The following TENM1 variants were observed in gnomAD, a reference collection of about 807,000 sequenced individuals.
The protein encoded by TENM1 is teneurin-1.
A neutral mutation model predicts 174.8 loss-of-function variants in TENM1; 35 were observed. That is an observed-to-expected ratio of 0.20 (90% confidence interval 0.15 to 0.27). The LOEUF (loss-of-function observed/expected upper bound fraction) is 0.27, where lower values mean the gene tolerates loss of function less well. Among genes scored for constraint, TENM1 ranks in the 10% least tolerant of loss-of-function variants. The pLI is 1.00. For synonymous variants in TENM1, 781 were observed against 798.7 expected (o/e 0.98, Z 0.37); for missense variants, 1,633 against 2,130.1 (o/e 0.77, Z 4.59).
intron 3 of TENM1, among the ~76,000 whole-genome samples, chrX:124,868,602 C>G (rs773587139): frequency 9.0e-6 from 1 of 111,419 alleles, no homozygotes; most frequent in African/African-American, 3.3e-5. Flanking sequence ...TCCACAAGCA[C>G]AGGCAACCAC....
chrX:124,655,264 T>C (rs934001191), intron 6 of TENM1, among the ~76,000 whole-genome samples: 1 of 111,601 alleles, frequency 9.0e-6, no homozygotes, highest in African/African-American at 3.3e-5. Flanking sequence ...GGGAGGATGT[T>C]GAGTTTGGGC....
chrX:124,769,658 G>A (rs1051091678), intron 3 of TENM1, among the ~76,000 whole-genome samples: 7 of 112,097 alleles, frequency 6.2e-5, no homozygotes, highest in Admixed American at 3.8e-4. Flanking sequence ...TGATACTTTA[G>A]TAAATATTTG....
intron 27 of TENM1, among the ~76,000 whole-genome samples, chrX:124,394,476 T>C (rs1371441191): frequency 8.9e-6 from 1 of 112,230 alleles, no homozygotes; most frequent in Non-Finnish European, 1.9e-5. Flanking sequence ...CTTAGAGGTC[T>C]GGATGGCTGC....
At chrX:125,089,756 C>T in the TENM1 span, among the ~76,000 whole-genome samples, 3 of 111,591 alleles carry the variant, frequency 2.7e-5, no homozygotes, top group South Asian at 7.6e-4. Context: ...TGTGGGGTTT[C>T]AGCCATGGAG....
the TENM1 span, among the ~76,000 whole-genome samples, chrX:125,050,390 CT>C: frequency 9.1e-6 from 1 of 109,491 alleles, no homozygotes; most frequent in Non-Finnish European, 1.9e-5. Flanking sequence ...CAATTCCTAC[CT>C]ATGAGTGAGA....
At chrX:124,939,410 A>AT (rs2058293582) in intron 1 of TENM1, among the ~76,000 whole-genome samples, 1 of 111,360 alleles carries the variant, frequency 9.0e-6, no homozygotes, top group Admixed American at 9.6e-5. Context: ...TACTTGACCT[A>AT]TCTTATCAGT....
intron 3 of TENM1, among the ~76,000 whole-genome samples, chrX:124,878,199 T>A (rs1315804143): frequency 9.0e-6 from 1 of 111,532 alleles, no homozygotes; most frequent in East Asian, 2.8e-4. Context: ...TTTACATACA[T>A]CTGTGATCAG....
exon 22 of TENM1, chrX:124,481,933 T>C (rs1210706833): frequency 4.2e-6 from 5 of 1,193,448 alleles, no homozygotes; most frequent in East Asian, 6.0e-5. Context: ...ACAGGGTCCA[T>C]AGCCAGATAG....
intron 3 of TENM1, among the ~76,000 whole-genome samples, chrX:124,833,291 A>G (rs1355538144): frequency 8.9e-6 from 1 of 112,020 alleles, no homozygotes; most frequent in Non-Finnish European, 1.9e-5. Context: ...ATACTTTCAA[A>G]AAGTTTCTGC....
At chrX:124,843,419 T>G (rs1041202632) in intron 3 of TENM1, among the ~76,000 whole-genome samples, 7 of 111,007 alleles carry the variant, frequency 6.3e-5, no homozygotes, top group Admixed American at 4.8e-4. Flanking sequence ...CAGAATGTGC[T>G]GCTTGCCACT....
chrX:124,809,881 G>GAAA (rs2055718002), intron 3 of TENM1, among the ~76,000 whole-genome samples: 1 of 54,666 alleles, frequency 1.8e-5, no homozygotes, highest in African/African-American at 7.1e-5. Context: ...AGAGAGAGAA[G>GAAA]CAGGAAGCAC....
chrX:124,721,135 C>G (rs1257833729), intron 4 of TENM1, among the ~76,000 whole-genome samples: 1 of 111,769 alleles, frequency 8.9e-6, no homozygotes, highest in East Asian at 2.8e-4. Context: ...ATCAAGGTTA[C>G]ATAGCTATTT....
intron 6 of TENM1, among the ~76,000 whole-genome samples, 158 bp from the exon 10 acceptor site, chrX:124,653,941 T>C (rs141450322): frequency 1.8e-3 from 203 of 112,047 alleles, no homozygotes; most frequent in African/African-American, 6.3e-3. Context: ...AAATTAAATA[T>C]CATCTAAGAA....
At chrX:124,996,923 G>A in the TENM1 span, among the ~76,000 whole-genome samples, 1 of 111,488 alleles carries the variant, frequency 9.0e-6, no homozygotes, top group African/African-American at 3.3e-5. Context: ...TTAAAGAAAA[G>A]AGAGAAAGCG....
At chrX:124,671,691 T>C (rs755720304) in exon 6 of TENM1, 1 of 1,203,979 alleles carries the variant, frequency 8.3e-7, no homozygotes, top group African/African-American at 1.8e-5. Context: ...ACCTTTTTTC[T>C]CTGATTTATC....
chrX:124,457,150 A>T (rs2061118083), intron 22 of TENM1, among the ~76,000 whole-genome samples: 1 of 112,221 alleles, frequency 8.9e-6, no homozygotes, highest in Admixed American at 9.4e-5. Context: ...TTGAATTTAA[A>T]AATCCCCCTG....
chrX:124,434,789 A>G (rs1333647937), intron 23 of TENM1, among the ~76,000 whole-genome samples: 1 of 111,990 alleles, frequency 8.9e-6, no homozygotes, highest in Admixed American at 9.5e-5. Flanking sequence ...AGGAGAACAT[A>G]TTGTACATGA....
chrX:125,007,233 A>G, the TENM1 span, among the ~76,000 whole-genome samples: 1 of 111,655 alleles, frequency 9.0e-6, no homozygotes, highest in Non-Finnish European at 1.9e-5. Flanking sequence ...TGAAGCACAC[A>G]CAAGTATCAA....
chrX:124,561,598 G>C (rs754976470), intron 14 of TENM1, 73 bp downstream of exon 17: 1 of 1,132,387 alleles, frequency 8.8e-7, no homozygotes, highest in African/African-American at 1.8e-5. Flanking sequence ...TTTCACCCTT[G>C]GCCAGGTTGA....
Sources: gnomAD v4.1 joint callset for allele counts (sites outside exome capture counted in the v4.1 genomes callset) on GRCh38, gnomAD v4.1.1 for gene constraint, MANE v1.5 for transcripts, NCBI Gene and HGNC (gene_info 2026-07-23, HGNC 2026-07-21) for gene names.